The following ATP13A2 variants were observed in gnomAD, a reference collection of about 807,000 sequenced individuals.
The protein encoded by ATP13A2 is polyamine-transporting ATPase 13A2.
A neutral mutation model predicts 138.3 loss-of-function variants in ATP13A2; 83 were observed. The ratio of observed to expected loss-of-function variants is 0.60; its 90% confidence interval spans 0.50 to 0.72. ATP13A2 has a LOEUF of 0.72. ATP13A2 is among the 30% of genes least tolerant of loss of function. The probability of loss-of-function intolerance (pLI) is 0.00; values close to 1 mark genes in which losing one functional copy is unlikely to be tolerated. For missense variants in ATP13A2, 1,402 were observed against 1,606.4 expected (o/e 0.87, Z 2.17); for synonymous variants, 663 against 699.0 (o/e 0.95, Z 0.81).
chr1:17,003,516 C>T (rs1266071912), intron 6 of ATP13A2, among the ~76,000 whole-genome samples: 1 of 150,814 alleles, frequency 6.6e-6, no homozygotes, highest in Non-Finnish European at 1.5e-5. Flanking sequence ...GAGAATGCGG[C>T]ATTGCACTCC....
chr1:16,987,151 G>A lies in ATP13A2; in HGVS notation c.2978C>T (p.Pro993Leu), dbSNP rs146559160. The A allele has an allele frequency of 8.5e-5, 137 of 1,613,104 alleles. No homozygotes were observed. The highest frequency in any genetic ancestry group is 1.0e-4 in the Non-Finnish European group (123 of 1,179,632). Reference sequence around the variant, plus strand: ...CACGGGCACGCTGAGCAGCGCCCCCGGTGGCCGCACCCGTCCCAGGACCAG... The same window carrying A: ...CACGGGCACGCTGAGCAGCGCCCCCAGTGGCCGCACCCGTCCCAGGACCAG... ...PALVLGRVRP[P>L]GALLSVPVLS... Residue 993 changes from proline (P) to leucine (L), a missense_variant, in exon 26 of 29, where the codon CCG becomes CTG. Physicochemically the swap from Pro to Leu is moderately conservative, Grantham distance 98. Transcript: ENST00000326735.
intron 11 of ATP13A2, among the ~76,000 whole-genome samples, chr1:16,999,461 C>G (rs992405241): frequency 1.3e-5 from 2 of 151,146 alleles, no homozygotes; most frequent in Admixed American, 1.3e-4. Flanking sequence ...ACCTCTCACG[C>G]TCCTAAGCAC....
chr1:16,991,842 C>G lies in ATP13A2; in HGVS notation c.2143G>C (p.Asp715His). The G allele has an allele frequency of 6.2e-7, 1 of 1,614,128 alleles. No individual in the cohort carries two copies. The highest frequency in any genetic ancestry group is 8.5e-7 in the Non-Finnish European group (1 of 1,180,046). Residue 715 changes from aspartate (D) to histidine (H), a missense_variant, in exon 20 of 29, where the codon GAC (aspartate) becomes CAC (histidine). Physicochemically the swap from Asp to His is moderately conservative, Grantham distance 81. Coordinates refer to ENST00000326735, the MANE Select transcript of ATP13A2 (RefSeq NM_022089.4). ...QQLTRDTVEG[D>H]LSLLGLLVMR... is the part of the protein sequence containing the mutation. ...ACCAGCAGCCCCAGGAGGCTCAGGT[C>G]TCCTTCCACAGTGTCCCTGGAGGGT...
At position 17,011,903 on chromosome 1, in the gene ATP13A2, AC is replaced by A; in HGVS notation, c.-166del. 1.8e-6 allele frequency: 1 copy of A among 559,132 alleles called. No individual in the cohort carries two copies. The highest frequency in any genetic ancestry group is 2.3e-6 in the Non-Finnish European group (1 of 436,160). The allele number at this position is 559,132 out of a possible 1,614,324, so 34.6% of individuals were successfully genotyped here. Reference sequence around the variant, plus strand: ...CTGACGCGGGCGGGGCACCTGGGCCACCAGGCTCGGCGCGGCTCCGACACTG... The same window carrying A: ...CTGACGCGGGCGGGGCACCTGGGCCACAGGCTCGGCGCGGCTCCGACACTG... On this transcript the variant is annotated 5_prime_UTR_variant, in exon 1 of 29. Coordinates refer to ENST00000326735, the MANE Select transcript of ATP13A2 (RefSeq NM_022089.4). The surrounding 1 kb of genome is among the most constrained non-coding windows in gnomAD (Gnocchi z 7.3).
intron 8 of ATP13A2, among the ~76,000 whole-genome samples, chr1:17,001,684 C>T (rs1282803408): frequency 6.6e-6 from 1 of 152,176 alleles, no homozygotes; most frequent in East Asian, 1.9e-4. Flanking sequence ...GCCCAACCCA[C>T]GGGACTGTTG....
chr1:16,999,546 C>T (rs1415434134), intron 11 of ATP13A2, among the ~76,000 whole-genome samples: 3 of 152,088 alleles, frequency 2.0e-5, no homozygotes, highest in South Asian at 2.1e-4. Context: ...GGAGATGATA[C>T]GTGGTAACGG....
rs1162935835 is a variant in ATP13A2 at position 16,995,666 on chromosome 1, G to A, written c.1542+310C>T. On this transcript the variant is annotated intron_variant, in intron 15 of 28. Transcript: ENST00000326735. The surrounding 1 kb of genome is among the most constrained non-coding windows in gnomAD (Gnocchi z 4.1). ...TTGCCATGTTGGTCAGGCTGGTCTT[G>A]AACTCCTGACCTCAAGTGATGTATC... is the stretch of plus-strand genomic sequence containing the variant. 2.3e-6 allele frequency: 1 copy of A among 435,500 alleles called. No individual in the cohort carries two copies. The highest frequency in any genetic ancestry group is 2.0e-5 in the African/African-American group (1 of 49,744). 27.0% of individuals were successfully genotyped at this position (435,500 alleles called of 1,614,324 possible).
In ATP13A2 at chr1:16,992,277, CG is replaced by C; in HGVS notation, c.1970del (p.Pro657ArgfsTer51). ...GGTTGCAGAGCCCTGCCACCAGCTCCGGGGAGCCTTTGACGTAGGCCTCGGG... is the reference window on the plus strand; with the variant it reads ...GGTTGCAGAGCCCTGCCACCAGCTCCGGGAGCCTTTGACGTAGGCCTCGGG... The part of the protein sequence containing the change: ...TQPEAYVKGS[P>X]ELVAGLCNPE... On this transcript the variant is annotated frameshift_variant, in exon 18 of 29. Transcript: ENST00000326735. LOFTEE classifies it high-confidence loss of function. 6.2e-7 allele frequency: 1 copy of C among 1,612,590 alleles called. No homozygotes were observed. Among genetic ancestry groups the C allele is most frequent in the East Asian group, 2.2e-5 (1 of 44,870 alleles).
Position 16,986,204 on chromosome 1 carries a change from G to A in ATP13A2, c.*17C>T, listed in dbSNP as rs1452079880. The A allele has an allele frequency of 1.2e-6, 2 of 1,612,680 alleles. No homozygotes were observed. Among genetic ancestry groups the A allele is most frequent in the Non-Finnish European group, 1.7e-6 (2 of 1,179,664 alleles). On this transcript the variant is annotated 3_prime_UTR_variant, in exon 29 of 29. Transcript: ENST00000326735. The surrounding 1 kb of genome is among the most constrained non-coding windows in gnomAD (Gnocchi z 6.9). ...GAGGCAGGGAGTTCCAGTGTCTGGG[G>A]TGCCCGTGGGCCTGCACTACCTCAG...
chr1:17,002,727 G>C (rs1190561723), intron 6 of ATP13A2, among the ~76,000 whole-genome samples: 1 of 152,164 alleles, frequency 6.6e-6, no homozygotes, highest in South Asian at 2.1e-4. Context: ...TGCAAAATGG[G>C]GGCAGTGACA....
chr1:16,992,493 T>G lies in ATP13A2; in HGVS notation c.1838A>C (p.Gln613Pro). The change falls in exon 17 of 29, where the codon CAG becomes CCG. Residue 613 changes from glutamine (Q) to proline (P), a missense_variant. By Grantham distance (76) the Gln-to-Pro change is moderately conservative (BLOSUM62 -1). Coordinates refer to ENST00000326735, the MANE Select transcript of ATP13A2 (RefSeq NM_022089.4). Reference protein sequence around the residue: ...MRPPLWEPQLQAMEEPPVPVS... With the variant: ...MRPPLWEPQLPAMEEPPVPVS... ...AGGCCCCCCTCAGCTCACCATTGCC[T>G]GCAGCTGGGGCTCCCAAAGTGGGGG... 1 of 1,614,112 alleles carries G rather than the reference T, an allele frequency of 6.2e-7. No homozygotes were observed. The highest frequency in any genetic ancestry group is 1.6e-4 in the Middle Eastern group (1 of 6,062).
intron 1 of ATP13A2, among the ~76,000 whole-genome samples, chr1:17,006,935 G>A (rs2077581938): frequency 6.6e-6 from 1 of 152,078 alleles, no homozygotes; most frequent in South Asian, 2.1e-4. Flanking sequence ...CTGTCGCCCA[G>A]TCTGGAATAC....
chr1:17,000,194 G>GCCCCCCCCCCCCCC, intron 10 of ATP13A2, 52 bp from the exon 11 acceptor site: 1 of 1,570,256 alleles, frequency 6.4e-7, no homozygotes. Flanking sequence ...CCCCAGCCAT[G>GCCCCCCCCCCCCCC]CCCCCCCACC....
In ATP13A2 at chr1:16,986,927, G is replaced by A. The variant is rs1198659408; in HGVS notation, c.3113C>T (p.Ala1038Val). The A allele has an allele frequency of 6.2e-7, 1 of 1,613,952 alleles. No individual in the cohort carries two copies. Among genetic ancestry groups the A allele is most frequent in the Non-Finnish European group, 8.5e-7 (1 of 1,180,008 alleles). ...WFVPLNRTVA[A>V]PDNLPNYENT... ...CTCGTAGTTGGGCAGGTTGTCTGGT[G>A]CGGCCACTGTCCTGTTCAGAGGCAC... Residue 1038 changes from alanine (A) to valine (V), a missense_variant, in exon 27 of 29, where the codon GCA (alanine) becomes GTA (valine). Coordinates refer to ENST00000326735, the MANE Select transcript of ATP13A2 (RefSeq NM_022089.4). The surrounding 1 kb of genome is among the most constrained non-coding windows in gnomAD (Gnocchi z 6.9).
At chr1:16,999,955 A>AT in intron 11 of ATP13A2, 56 bp downstream of exon 11, 1 of 1,532,386 alleles carries the variant, frequency 6.5e-7, no homozygotes, top group South Asian at 1.2e-5. Context: ...GCCGCAGGGC[A>AT]AAGGGTTGGA....
chr1:17,002,426 T>A, intron 6 of ATP13A2, 53 bp from the exon 7 acceptor site: 1 of 1,578,608 alleles, frequency 6.3e-7, no homozygotes, highest in Non-Finnish European at 8.6e-7. Context: ...GAGGTCTGCA[T>A]CCCCCACCCT....
At chr1:17,007,304 G>A (rs1247459914) in intron 1 of ATP13A2, among the ~76,000 whole-genome samples, 13 of 152,184 alleles carry the variant, frequency 8.5e-5, no homozygotes, top group Non-Finnish European at 1.8e-4. Flanking sequence ...GACAGCCTCT[G>A]TCAGGGTTCA....
chr1:17,000,362 C>A, intron 9 of ATP13A2, 38 bp downstream of exon 9: 1 of 1,594,166 alleles, frequency 6.3e-7, no homozygotes, highest in Non-Finnish European at 8.5e-7. Flanking sequence ...CCCCTGGGGA[C>A]CCACCTGTCC....
At chr1:16,991,411 G>A (rs1334524408) in intron 20 of ATP13A2, among the ~76,000 whole-genome samples, 1 of 152,144 alleles carries the variant, frequency 6.6e-6, no homozygotes, top group East Asian at 1.9e-4. Context: ...TGCTCCTTGA[G>A]CTTGTCACAG....
Sources: allele counts gnomAD v4.1 joint callset (sites outside exome capture counted in the v4.1 genomes callset), GRCh38; gene constraint gnomAD v4.1.1; non-coding constraint Gnocchi (gnomAD v3.1); transcripts MANE v1.5; gene names NCBI Gene and HGNC (gene_info 2026-07-23, HGNC 2026-07-21).